The following CSMD1 variants were observed in gnomAD, a reference collection of about 807,000 sequenced individuals.
CSMD1 encodes the protein CUB and Sushi multiple domains 1, also known as CUB and sushi domain-containing protein 1.
In CSMD1, 213 loss-of-function variants were observed where a neutral mutation model predicts 417.5. The ratio of observed to expected loss-of-function variants is 0.51; its 90% CI spans 0.46 to 0.57. The LOEUF (loss-of-function observed/expected upper bound fraction) is 0.57. Among genes scored for constraint, CSMD1 ranks in the 20% least tolerant of loss-of-function variants. The pLI is 0.00. For missense variants in CSMD1, 6,923 were observed against 4,529.7 expected (o/e 1.53, Z -15.17); for synonymous variants, 2,862 against 1,736.8 (o/e 1.65, Z -16.11).
At chr8:4,484,721 G>C (rs1801277510) in intron 2 of CSMD1, among the ~76,000 whole-genome samples, 1 of 152,072 alleles carries the variant, frequency 6.6e-6, no homozygotes, top group Non-Finnish European at 1.5e-5. Flanking sequence ...TGTAATCTCA[G>C]CACTTTGGGA....
chr8:3,268,021 T>G (rs966750837), intron 26 of CSMD1, among the ~76,000 whole-genome samples: 4 of 152,096 alleles, frequency 2.6e-5, no homozygotes, highest in Non-Finnish European at 5.9e-5. Flanking sequence ...CTGTCTGCCC[T>G]TCCTGGTAGT....
At chr8:4,799,821 T>A (rs1205976641) in intron 1 of CSMD1, among the ~76,000 whole-genome samples, 1 of 151,778 alleles carries the variant, frequency 6.6e-6, no homozygotes, top group Non-Finnish European at 1.5e-5. Context: ...AAGAGATAAG[T>A]ATTAGAATGC....
intron 2 of CSMD1, among the ~76,000 whole-genome samples, chr8:4,559,689 T>C (rs944527873): frequency 1.1e-4 from 17 of 152,242 alleles, no homozygotes; most frequent in East Asian, 1.9e-4. Flanking sequence ...GTCAGTAAAA[T>C]TGCTAAACAG....
At chr8:4,784,638 T>A (rs1797308903) in intron 1 of CSMD1, among the ~76,000 whole-genome samples, 1 of 152,232 alleles carries the variant, frequency 6.6e-6, no homozygotes, top group Admixed American at 6.5e-5. Flanking sequence ...AAATATCCAT[T>A]ATGCCTCCAT....
chr8:3,745,785 G>A (rs371893679), intron 6 of CSMD1, among the ~76,000 whole-genome samples: 18 of 152,292 alleles, frequency 1.2e-4, no homozygotes, highest in African/African-American at 4.3e-4. Context: ...ATCATTAAGA[G>A]AACAAGCAAT....
chr8:2,994,984 T>C (rs1806752852), intron 54 of CSMD1, among the ~76,000 whole-genome samples: 1 of 152,150 alleles, frequency 6.6e-6, no homozygotes, highest in African/African-American at 2.4e-5. Context: ...GAGGAACACT[T>C]CAAGATCTAG....
chr8:3,522,016 C>T (rs952502587), intron 10 of CSMD1, among the ~76,000 whole-genome samples: 2 of 152,234 alleles, frequency 1.3e-5, no homozygotes, highest in Non-Finnish European at 2.9e-5. Flanking sequence ...CATTATCTTT[C>T]ATCTCAATTA....
At chr8:4,846,094 G>A (rs908923119) in intron 1 of CSMD1, among the ~76,000 whole-genome samples, 2 of 152,110 alleles carry the variant, frequency 1.3e-5, no homozygotes, top group African/African-American at 4.8e-5. Context: ...ACAGTTGCAG[G>A]AGTTAGAACT....
intron 3 of CSMD1, among the ~76,000 whole-genome samples, chr8:4,036,337 G>A (rs1055682424): frequency 9.2e-5 from 13 of 140,840 alleles, no homozygotes; most frequent in African/African-American, 3.2e-4. Flanking sequence ...TAAATTTAAA[G>A]AGGGACCCCT....
At chr8:4,574,022 C>G (rs1173169072) in intron 2 of CSMD1, among the ~76,000 whole-genome samples, 2 of 152,140 alleles carry the variant, frequency 1.3e-5, no homozygotes, top group Non-Finnish European at 2.9e-5. Flanking sequence ...GTGCTGGCAG[C>G]CAGAATTCCC....
chr8:4,813,763 T>C (rs1799043730), intron 1 of CSMD1, among the ~76,000 whole-genome samples: 1 of 152,194 alleles, frequency 6.6e-6, no homozygotes, highest in Admixed American at 6.5e-5. Flanking sequence ...AAATGCATTT[T>C]GGAGTAATTT....
chr8:4,041,225 G>GC (rs1797877864), intron 3 of CSMD1, among the ~76,000 whole-genome samples: 1 of 151,972 alleles, frequency 6.6e-6, no homozygotes, highest in Non-Finnish European at 1.5e-5. Flanking sequence ...CACCGTGTTA[G>GC]CCAGGATGGT....
intron 47 of CSMD1, among the ~76,000 whole-genome samples, chr8:3,095,274 G>C (rs1815218877): frequency 6.6e-6 from 1 of 152,010 alleles, no homozygotes; most frequent in African/African-American, 2.4e-5. Context: ...CTGTGAGGTT[G>C]GATGCTCTAC....
chr8:4,242,670 A>G (rs1802470290), intron 3 of CSMD1, among the ~76,000 whole-genome samples: 1 of 152,102 alleles, frequency 6.6e-6, no homozygotes, highest in Non-Finnish European at 1.5e-5. Context: ...TTCCAGGTTC[A>G]CAGACCCCAA....
At chr8:4,759,329 G>A (rs969681987) in intron 1 of CSMD1, among the ~76,000 whole-genome samples, 2 of 152,186 alleles carry the variant, frequency 1.3e-5, no homozygotes, top group Non-Finnish European at 2.9e-5. Flanking sequence ...GAAAGCCCCA[G>A]CAGCCAGCAA....
At chr8:4,267,794 G>A (rs959065960) in intron 3 of CSMD1, among the ~76,000 whole-genome samples, 7 of 152,086 alleles carry the variant, frequency 4.6e-5, no homozygotes, top group East Asian at 1.9e-4. Context: ...ACAATGGTAT[G>A]AAAAGGTACA....
At chr8:4,081,026 G>C (rs905100576) in intron 3 of CSMD1, among the ~76,000 whole-genome samples, 1 of 152,102 alleles carries the variant, frequency 6.6e-6, no homozygotes, top group Non-Finnish European at 1.5e-5. Flanking sequence ...TGCCTCCCTT[G>C]TGCCATGGAG....
At chr8:4,429,241 A>G (rs568504621) in intron 2 of CSMD1, among the ~76,000 whole-genome samples, 1 of 152,040 alleles carries the variant, frequency 6.6e-6, no homozygotes, top group African/African-American at 2.4e-5. Context: ...TTTTAAAAAC[A>G]TCATGAGATT....
chr8:4,803,502 G>A (rs1416313399), intron 1 of CSMD1, among the ~76,000 whole-genome samples: 6 of 152,092 alleles, frequency 3.9e-5, no homozygotes, highest in East Asian at 1.9e-4. Context: ...GAATCTGCCC[G>A]ACATTCAACA....
Sources: allele counts gnomAD v4.1 joint callset (sites outside exome capture counted in the v4.1 genomes callset), GRCh38; gene constraint gnomAD v4.1.1; transcripts MANE v1.5; gene names NCBI Gene and HGNC (gene_info 2026-07-23, HGNC 2026-07-21).